The following TXNDC16 variants were observed in gnomAD, a reference collection of about 807,000 sequenced individuals.
TXNDC16 encodes thioredoxin domain containing 16.
TXNDC16 carries 74 observed loss-of-function variants against 85.6 expected under a neutral mutation model. That is an observed-to-expected ratio of 0.86 (90% confidence interval 0.72 to 1.05). The LOEUF (loss-of-function observed/expected upper bound fraction) is 1.05. Among genes scored for constraint, TXNDC16 ranks in the 50% least tolerant of loss-of-function variants. The pLI is 0.00. For synonymous variants in TXNDC16, 335 were observed against 326.5 expected, an observed-to-expected ratio of 1.03 and a Z score of -0.28; for missense variants, 959 against 947.0, an observed-to-expected ratio of 1.01 and a Z score of -0.17.
At chr14:52,475,368 G>A (rs182198425) in intron 14 of TXNDC16, among the ~76,000 whole-genome samples, 6 of 152,298 alleles carry the variant, frequency 3.9e-5, no homozygotes, top group Admixed American at 1.3e-4. Context: ...TCCACAGGCT[G>A]GGGAAGAAAG....
At chr14:52,519,464 T>C (rs1305337957) in intron 6 of TXNDC16, among the ~76,000 whole-genome samples, 171 bp from the exon 7 acceptor site, 1 of 152,256 alleles carries the variant, frequency 6.6e-6, no homozygotes, top group Non-Finnish European at 1.5e-5. Context: ...CTCCAGATCA[T>C]TAATCTGTCT....
At chr14:52,460,961 T>G (rs1032514098) in intron 16 of TXNDC16, among the ~76,000 whole-genome samples, 1 of 151,814 alleles carries the variant, frequency 6.6e-6, no homozygotes, top group East Asian at 1.9e-4. Flanking sequence ...TTCAGTCAGC[T>G]TTTAATCACA....
intron 9 of TXNDC16, among the ~76,000 whole-genome samples, chr14:52,510,873 G>T (rs1385057061): frequency 1.3e-5 from 2 of 152,110 alleles, no homozygotes; most frequent in Non-Finnish European, 2.9e-5. Flanking sequence ...ATTCATAAAA[G>T]AGGTCTTTTC....
At chr14:52,490,357 C>G (rs1359743817) in intron 11 of TXNDC16, 34 bp downstream of exon 11, 9 of 1,432,868 alleles carry the variant, frequency 6.3e-6, no homozygotes, top group Non-Finnish European at 8.5e-6. Context: ...TTTAAATAAA[C>G]AGATATTGTA....
rs566311178 is a variant in TXNDC16 at position 52,431,691 on chromosome 14, A to G, written c.*613T>C. 2.0e-5 allele frequency: 3 copies of G among 152,350 alleles called. No individual in the cohort carries two copies. The South Asian group carries it at 6.2e-4, about 32-fold the overall frequency. The allele number at this position is 152,350 out of a possible 1,614,324, so 9.4% of individuals were successfully genotyped here. A position where few individuals can be genotyped will look rare whatever the true frequency, so the allele number is the denominator to read the frequency against. The stretch of plus-strand genomic sequence containing the variant: ...TGGCCTCTACTCACTAAATGTCAAT[A>G]ACTGCCCTAGTCATGACATCAAAAA... On this transcript the variant is annotated 3_prime_UTR_variant, in exon 21 of 21. Transcript: ENST00000281741.
chr14:52,483,031 C>T, intron 12 of TXNDC16, 66 bp from the exon 13 acceptor site: 1 of 1,292,456 alleles, frequency 7.7e-7, no homozygotes, highest in Non-Finnish European at 1.1e-6. Flanking sequence ...AAGCTCTTCT[C>T]ATAGGAAGCA....
At chr14:52,519,335 G>A in intron 6 of TXNDC16, 42 bp from the exon 7 acceptor site, 1 of 1,478,074 alleles carries the variant, frequency 6.8e-7, no homozygotes, top group African/African-American at 1.4e-5. Flanking sequence ...AATCTGATAT[G>A]TATTTAGTTA....
chr14:52,476,253 A>T (rs575341906), intron 14 of TXNDC16, among the ~76,000 whole-genome samples: 8 of 152,314 alleles, frequency 5.3e-5, no homozygotes, highest in African/African-American at 1.9e-4. Flanking sequence ...AACTCTGGTA[A>T]TATGACAAAG....
intron 18 of TXNDC16, among the ~76,000 whole-genome samples, chr14:52,450,868 T>C (rs868193857): frequency 8.2e-6 from 1 of 121,622 alleles, no homozygotes; most frequent in African/African-American, 3.1e-5. Flanking sequence ...TATATATATA[T>C]ATATATATAT....
At chr14:52,515,641 T>G (rs1475210285) in intron 7 of TXNDC16, among the ~76,000 whole-genome samples, 1 of 151,716 alleles carries the variant, frequency 6.6e-6, no homozygotes, top group Non-Finnish European at 1.5e-5. Context: ...CTCTTATTTC[T>G]TTTATCTCAA....
At chr14:52,471,908 C>A (rs1205867569) in intron 14 of TXNDC16, among the ~76,000 whole-genome samples, 1 of 149,976 alleles carries the variant, frequency 6.7e-6, no homozygotes, top group Non-Finnish European at 1.5e-5. Flanking sequence ...AAGCACCATA[C>A]AACTCGAAAG....
At chr14:52,435,669 C>G (rs2035008347) in intron 20 of TXNDC16, among the ~76,000 whole-genome samples, 1 of 151,930 alleles carries the variant, frequency 6.6e-6, no homozygotes, top group Admixed American at 6.6e-5. Flanking sequence ...GTCTTGAAAA[C>G]AAAGAATAGG....
chr14:52,509,190 GA>G (rs2036893149), intron 9 of TXNDC16, among the ~76,000 whole-genome samples: 1 of 151,846 alleles, frequency 6.6e-6, no homozygotes, highest in Non-Finnish European at 1.5e-5. Flanking sequence ...TTCATGAGCA[GA>G]AACTTTAGGA....
chr14:52,432,984 T>C (rs2034941071), intron 20 of TXNDC16, among the ~76,000 whole-genome samples: 1 of 152,174 alleles, frequency 6.6e-6, no homozygotes, highest in South Asian at 2.1e-4. Context: ...GCCAAAGAAA[T>C]GTAACTATTT....
chr14:52,526,784 G>A (rs1040592887), intron 6 of TXNDC16, among the ~76,000 whole-genome samples: 6 of 152,184 alleles, frequency 3.9e-5, no homozygotes, highest in Non-Finnish European at 5.9e-5. Flanking sequence ...ATGATTAGAG[G>A]GTTAGGACTT....
intron 4 of TXNDC16, among the ~76,000 whole-genome samples, chr14:52,541,751 T>G (rs1343321027): frequency 6.6e-6 from 1 of 152,208 alleles, no homozygotes; most frequent in Non-Finnish European, 1.5e-5. Flanking sequence ...TTGTCTGATA[T>G]ATAAATTCTA....
chr14:52,539,993 T>G (rs979206888), intron 4 of TXNDC16, among the ~76,000 whole-genome samples: 1 of 152,170 alleles, frequency 6.6e-6, no homozygotes, highest in East Asian at 1.9e-4. Flanking sequence ...TATGCTATAA[T>G]TGCTCACATA....
chr14:52,456,078 G>A (rs1022959809), intron 17 of TXNDC16, among the ~76,000 whole-genome samples: 4 of 152,004 alleles, frequency 2.6e-5, no homozygotes, highest in African/African-American at 9.7e-5. Flanking sequence ...AAACCTAAAA[G>A]AAAATTATCT....
intron 16 of TXNDC16, among the ~76,000 whole-genome samples, chr14:52,467,104 C>T (rs923217146): frequency 6.6e-6 from 1 of 150,818 alleles, no homozygotes; most frequent in African/African-American, 2.4e-5. Context: ...AAATAGAAAA[C>T]AATTAAACAG....
Sources: allele counts gnomAD v4.1 joint callset (sites outside exome capture counted in the v4.1 genomes callset), GRCh38; gene constraint gnomAD v4.1.1; transcripts MANE v1.5; gene names NCBI Gene and HGNC (gene_info 2026-07-23, HGNC 2026-07-21).